Variants in CNGA3 observed in about 807,000 individuals in gnomAD.
CNGA3 encodes the protein cyclic nucleotide gated channel subunit alpha 3, also known as cyclic nucleotide-gated channel alpha-3.
CNGA3 carries 42 observed loss-of-function variants against 46.6 expected under a neutral mutation model. The ratio of observed to expected loss-of-function variants is 0.90; its 90% confidence interval spans 0.70 to 1.17. The LOEUF (loss-of-function observed/expected upper bound fraction) is 1.17. CNGA3 is among the 50% of genes most tolerant of loss of function. The probability of loss-of-function intolerance (pLI) is 0.00; values close to 1 mark genes in which losing one functional copy is unlikely to be tolerated. For missense variants in CNGA3, 893 were observed against 890.7 expected (o/e 1.00, Z -0.03); for synonymous variants, 394 against 369.4 (o/e 1.07, Z -0.76).
intron 2 of CNGA3, among the ~76,000 whole-genome samples, chr2:98,374,289 T>C (rs1384602058): frequency 1.3e-5 from 2 of 152,226 alleles, no homozygotes; most frequent in South Asian, 4.1e-4. Flanking sequence ...AAAATTATGT[T>C]GTCTTTCAAA....
intron 1 of CNGA3, among the ~76,000 whole-genome samples, chr2:98,367,622 C>T (rs1258135468): frequency 1.3e-5 from 2 of 152,254 alleles, no homozygotes; most frequent in Non-Finnish European, 2.9e-5. Context: ...CTTTCTCTAA[C>T]GTGCTTCCCC....
At chr2:98,394,860 C>T (rs944317094) in intron 7 of CNGA3, among the ~76,000 whole-genome samples, 8 of 152,212 alleles carry the variant, frequency 5.3e-5, no homozygotes, top group East Asian at 1.9e-4. Flanking sequence ...CTTTATCTTA[C>T]GTAAAATGTA....
chr2:98,397,120 G>A lies in CNGA3; in HGVS notation c.1950G>A (p.Glu650=), dbSNP rs1366129745. The A allele has an allele frequency of 3.1e-6, 5 of 1,614,058 alleles. No individual in the cohort carries two copies. Among genetic ancestry groups the A allele is most frequent in the East Asian group, 2.2e-5 (1 of 44,892 alleles). ...LQTRFARLLA[E]YNATQMKMKQ... ...CCAGGTTTGCACGCCTCCTGGCTGAGTACAACGCCACCCAGATGAAGATGA... is the reference window on the plus strand; with the variant it reads ...CCAGGTTTGCACGCCTCCTGGCTGAATACAACGCCACCCAGATGAAGATGA... Residue 650 remains glutamate (E), a synonymous_variant, in exon 8 of 8, where the codon GAG becomes GAA. Transcript: ENST00000272602.
intron 5 of CNGA3, among the ~76,000 whole-genome samples, chr2:98,386,189 T>C (rs1434224277): frequency 6.6e-6 from 1 of 152,182 alleles, no homozygotes; most frequent in Non-Finnish European, 1.5e-5. Context: ...CCCCAAAAGA[T>C]GTCTACCATC....
chr2:98,397,531 T>C lies in CNGA3; in HGVS notation c.*276T>C, dbSNP rs1343005882. 4 of 513,618 alleles carry C rather than the reference T, an allele frequency of 7.8e-6. No individual in the cohort carries two copies. Among genetic ancestry groups the C allele is most frequent in the Non-Finnish European group, 1.4e-5 (4 of 285,118 alleles). 31.8% of individuals were successfully genotyped at this position (513,618 alleles called of 1,614,324 possible). A position where few individuals can be genotyped will look rare whatever the true frequency, so the allele number is the denominator to read the frequency against. ...GCAAGGTATCCCCAGTCCAAGTATA[T>C]GAAAACGTGCACACAGGACTCTCAT... On this transcript the variant is annotated 3_prime_UTR_variant, in exon 8 of 8. Coordinates refer to ENST00000272602, the MANE Select transcript of CNGA3 (RefSeq NM_001298.3).
chr2:98,376,417 C>T (rs186568072), intron 2 of CNGA3, among the ~76,000 whole-genome samples: 116 of 152,146 alleles, frequency 7.6e-4, no homozygotes, highest in African/African-American at 2.7e-3. Flanking sequence ...AGGTAGAAGA[C>T]GAAGCTACCT....
intron 1 of CNGA3, among the ~76,000 whole-genome samples, chr2:98,361,929 G>A (rs1013860063): frequency 9.9e-5 from 15 of 151,770 alleles, no homozygotes; most frequent in South Asian, 4.2e-4. Context: ...GGATGGTCTC[G>A]ATTTCCTGGC....
intron 1 of CNGA3, among the ~76,000 whole-genome samples, chr2:98,368,149 A>C (rs1057082896): frequency 3.3e-5 from 5 of 152,272 alleles, no homozygotes; most frequent in African/African-American, 9.6e-5. Flanking sequence ...TCATAGACTT[A>C]AACTATCAAA....
At chr2:98,353,051 A>G (rs1185059112) in intron 1 of CNGA3, among the ~76,000 whole-genome samples, 3 of 152,344 alleles carry the variant, frequency 2.0e-5, no homozygotes, top group East Asian at 3.9e-4. Context: ...ATGGCCAATT[A>G]ACACATATTT....
intron 4 of CNGA3, among the ~76,000 whole-genome samples, chr2:98,381,706 C>A (rs933350030): frequency 1.3e-5 from 2 of 152,186 alleles, no homozygotes; most frequent in African/African-American, 2.4e-5. Context: ...CGAGCTTGGA[C>A]TGCAAACGCT....
At chr2:98,372,895 C>A (rs186212117) in intron 2 of CNGA3, among the ~76,000 whole-genome samples, 1 of 152,192 alleles carries the variant, frequency 6.6e-6, no homozygotes, top group African/African-American at 2.4e-5. Context: ...GCTTACTGAA[C>A]TCCACTCAGG....
At chr2:98,389,845 C>T in intron 6 of CNGA3, 71 bp downstream of exon 6, 2 of 1,282,474 alleles carry the variant, frequency 1.6e-6, no homozygotes, top group Admixed American at 3.4e-5. Context: ...GCCAGAGCTC[C>T]ACCTCTCCCT....
At position 98,396,063 on chromosome 2, in the gene CNGA3, C is replaced by T. The variant is rs1291730636; in HGVS notation, c.893C>T (p.Pro298Leu). The T allele has an allele frequency of 9.3e-6, 15 of 1,614,182 alleles. No homozygotes were observed. The highest frequency in any genetic ancestry group is 1.2e-5 in the Non-Finnish European group (14 of 1,180,026). ...CGCACAGAGACAAGGACCAACTACC[C>T]CAATATGTTCAGGATTGGGAACTTG... ...FDRTETRTNY[P>L]NMFRIGNLVL... The change falls in exon 8 of 8, where the codon CCC becomes CTC. Residue 298 changes from proline (P) to leucine (L), a missense_variant. Pro to Leu is a moderately conservative substitution (Grantham distance 98). Transcript: ENST00000272602.
At chr2:98,395,806 C>G (rs754340546) in intron 7 of CNGA3, 38 bp from the exon 8 acceptor site, 1 of 1,592,812 alleles carries the variant, frequency 6.3e-7, no homozygotes, top group African/African-American at 1.3e-5. Flanking sequence ...AAAAAGTCAG[C>G]CTCTGTGATG....
At chr2:98,375,036 C>G (rs1295895970) in intron 2 of CNGA3, among the ~76,000 whole-genome samples, 1 of 152,236 alleles carries the variant, frequency 6.6e-6, no homozygotes. Flanking sequence ...AGCAGGGACT[C>G]AAACCAGGAC....
chr2:98,381,576 C>T (rs902973633), intron 4 of CNGA3, among the ~76,000 whole-genome samples: 12 of 152,176 alleles, frequency 7.9e-5, no homozygotes, highest in African/African-American at 2.7e-4. Context: ...GCGAACGGCA[C>T]GGGCATTTTT....
In CNGA3 at chr2:98,391,861, T is replaced by C. The variant is rs1362562687; in HGVS notation, c.567-3T>C. 2 of 1,614,064 alleles carry C rather than the reference T, an allele frequency of 1.2e-6. No individual in the cohort carries two copies. The highest frequency in any genetic ancestry group is 3.3e-5 in the Admixed American group (2 of 60,028). ...CCATCCATCTCCCACATGGCTTCTT[T>C]AGGGCCTGTTTCGATGAGCTGCAGT... is the stretch of plus-strand genomic sequence containing the variant. On this transcript the variant is annotated splice_region_variant and splice_polypyrimidine_tract_variant and intron_variant, in intron 6 of 7. Coordinates refer to ENST00000272602, the MANE Select transcript of CNGA3 (RefSeq NM_001298.3).
At chr2:98,359,223 CT>C (rs1691965349) in intron 1 of CNGA3, among the ~76,000 whole-genome samples, 1 of 152,222 alleles carries the variant, frequency 6.6e-6, no homozygotes, top group Non-Finnish European at 1.5e-5. Context: ...GCTCCTGCTT[CT>C]ATTGGTCCAG....
chr2:98,395,361 G>C (rs957780472), intron 7 of CNGA3, among the ~76,000 whole-genome samples: 1 of 151,800 alleles, frequency 6.6e-6, no homozygotes, highest in Non-Finnish European at 1.5e-5. Flanking sequence ...GTAGAGACAG[G>C]GTTTCACCAT....
Sources: gnomAD v4.1 joint callset for allele counts (sites outside exome capture counted in the v4.1 genomes callset) on GRCh38, gnomAD v4.1.1 for gene constraint, MANE v1.5 for transcripts, NCBI Gene and HGNC (gene_info 2026-07-23, HGNC 2026-07-21) for gene names.